The following SLC27A1 variants were observed in gnomAD, a reference collection of about 807,000 sequenced individuals.
The protein encoded by SLC27A1 is long-chain fatty acid transport protein 1.
SLC27A1 carries 61 observed loss-of-function variants against 62.2 expected under a neutral mutation model. The ratio of observed to expected loss-of-function variants is 0.98; its 90% CI spans 0.80 to 1.21. The LOEUF (loss-of-function observed/expected upper bound fraction) is 1.21. Ranked by LOEUF, SLC27A1 falls within the 50% of genes most tolerant of loss-of-function variation. SLC27A1 has a pLI of 0.00. For missense variants in SLC27A1, 903 were observed against 932.1 expected (o/e 0.97, Z 0.41); for synonymous variants, 435 against 408.6 (o/e 1.06, Z -0.78).
intron 1 of SLC27A1, among the ~76,000 whole-genome samples, chr19:17,473,924 T>G (rs1450948013): frequency 1.3e-5 from 2 of 152,130 alleles, no homozygotes; most frequent in East Asian, 3.9e-4. Context: ...TTAGTTGTTT[T>G]CTTTCTTTGC....
chr19:17,473,387 G>C (rs2075094825), intron 1 of SLC27A1, among the ~76,000 whole-genome samples: 1 of 152,194 alleles, frequency 6.6e-6, no homozygotes, highest in African/African-American at 2.4e-5. Flanking sequence ...GTGTGTGTAT[G>C]TTAAGGAAAG....
chr19:17,476,153 G>C (rs939315441), intron 1 of SLC27A1, among the ~76,000 whole-genome samples: 1 of 152,108 alleles, frequency 6.6e-6, no homozygotes, highest in Non-Finnish European at 1.5e-5. Context: ...TCTCCCCATG[G>C]ATGTAACATT....
intron 2 of SLC27A1, 58 bp downstream of exon 2, chr19:17,487,015 C>G: frequency 2.0e-6 from 3 of 1,520,990 alleles, no homozygotes; most frequent in South Asian, 1.2e-5. Flanking sequence ...CCTGGGCGGG[C>G]GGGGAGATGC....
At chr19:17,482,105 C>T (rs2075184133) in intron 1 of SLC27A1, among the ~76,000 whole-genome samples, 1 of 152,202 alleles carries the variant, frequency 6.6e-6, no homozygotes, top group Non-Finnish European at 1.5e-5. Context: ...TGGGCGGTCT[C>T]CTCCCCTGCT....
chr19:17,487,571 GAC>G (rs1568416437), intron 4 of SLC27A1, 42 bp downstream of exon 4: 1 of 1,590,798 alleles, frequency 6.3e-7, no homozygotes, highest in Non-Finnish European at 8.6e-7. Flanking sequence ...CGCTGAGAGT[GAC>G]CCAGGCTATC....
In SLC27A1 at chr19:17,486,563, C is replaced by A. The variant is rs1354938323; in HGVS notation, c.168C>A (p.Phe56Leu). 6.3e-7 allele frequency: 1 copy of A among 1,576,840 alleles called. No homozygotes were observed. The highest frequency in any genetic ancestry group is 2.3e-5 in the East Asian group (1 of 43,410). Residue 56 changes from phenylalanine to leucine, a missense_variant and splice_region_variant, in exon 2 of 12, where the codon TTC (phenylalanine) becomes TTA (leucine). By Grantham distance (22) the Phe-to-Leu change is conservative. Transcript: ENST00000252595. This position sits in a 1 kb window ranked among gnomAD's most constrained non-coding sequence, Gnocchi z 6.6. ...IVCKTARRDL[F>L]GLSVLIRVRL... is the part of the protein sequence containing the mutation. The stretch of plus-strand genomic sequence containing the variant: ...CTGTCCCCTCCGTCCTCCCTCCCAG[C>A]GGTCTCTCTGTGCTGATCCGCGTGC...
At chr19:17,474,423 C>T (rs571105722) in intron 1 of SLC27A1, among the ~76,000 whole-genome samples, 6 of 152,244 alleles carry the variant, frequency 3.9e-5, no homozygotes, top group African/African-American at 1.4e-4. Context: ...CTTGGGTTCA[C>T]CCAGGCCCAT....
Position 17,487,275 on chromosome 19 carries a change from C to T in SLC27A1, c.664C>T (p.Pro222Ser), listed in dbSNP as rs1316286767. Residue 222 changes from proline to serine, a missense_variant, in exon 3 of 12, where the codon CCG becomes TCG. Coordinates refer to ENST00000252595, the MANE Select transcript of SLC27A1 (RefSeq NM_198580.3). ...GILPDTHLLD[P>S]LLKEASTAPL... ...CTTGCCGGACACCCACCTCCTGGAC[C>T]CGCTGCTGAAGGAGGCCTCTACTGC... is the stretch of plus-strand genomic sequence containing the variant. 10 of 1,613,766 alleles carry T rather than the reference C, an allele frequency of 6.2e-6. No individual in the cohort carries two copies. The highest frequency in any genetic ancestry group is 8.5e-6 in the Non-Finnish European group (10 of 1,179,932).
intron 7 of SLC27A1, chr19:17,499,127 G>A (rs576491196): frequency 2.5e-5 from 5 of 202,884 alleles, no homozygotes; most frequent in Non-Finnish European, 5.0e-5. Flanking sequence ...GGGAAAGGGA[G>A]ACTCCCTTTC....
At position 17,473,271 on chromosome 19, in the gene SLC27A1, G is replaced by A. The variant is rs895378413; in HGVS notation, c.167+2564G>A. Among the ~76,000 whole-genome samples, 9 of 152,302 alleles carry A rather than the reference G, an allele frequency of 5.9e-5. 1 individual carries two copies. The South Asian group carries it at 1.5e-3, about 25-fold the overall frequency. ...CTTGACTTTCAGACAGCCAGATGGT[G>A]CAGTTGGAGTTGCAAACTCATGTGA... is the stretch of plus-strand genomic sequence containing the variant. On this transcript the variant is annotated intron_variant, in intron 1 of 11. Transcript: ENST00000252595.
rs1463049653 is a variant in SLC27A1, at chr19:17,497,286, A to G, written c.1028A>G (p.Tyr343Cys). ...VVQYIGEICRYLLKQPVREAE... is the reference protein window; with the variant it reads ...VVQYIGEICRCLLKQPVREAE... ...CAGTACATCGGGGAGATCTGCCGCT[A>G]CCTGCTGAAGCAGCCGGTGCGCGAG... Residue 343 changes from tyrosine (Y) to cysteine (C), a missense_variant, in exon 7 of 12, where the codon TAC (tyrosine) becomes TGC (cysteine). Transcript: ENST00000252595. 2 of 1,605,602 alleles carry G rather than the reference A, an allele frequency of 1.2e-6. No homozygotes were observed. The highest frequency in any genetic ancestry group is 1.7e-6 in the Non-Finnish European group (2 of 1,177,488).
At chr19:17,489,139 T>A (rs767276326) in intron 6 of SLC27A1, 22 bp downstream of exon 6, 6 of 1,598,210 alleles carry the variant, frequency 3.8e-6, no homozygotes, top group East Asian at 2.2e-5. Context: ...CCCTGTTCTG[T>A]CTAGACCCCG....
chr19:17,482,366 A>C (rs1336913069), intron 1 of SLC27A1, among the ~76,000 whole-genome samples: 1 of 152,140 alleles, frequency 6.6e-6, no homozygotes, highest in Non-Finnish European at 1.5e-5. Context: ...TAAAAATACA[A>C]AAATGGCCAG....
chr19:17,497,291 C>T lies in SLC27A1; in HGVS notation c.1033C>T (p.Leu345=). The change falls in exon 7 of 12, where the codon CTG becomes TTG. Residue 345 remains leucine (L), a synonymous_variant. Transcript: ENST00000252595. ...CATCGGGGAGATCTGCCGCTACCTGCTGAAGCAGCCGGTGCGCGAGGCGGA... is the reference window on the plus strand; with the variant it reads ...CATCGGGGAGATCTGCCGCTACCTGTTGAAGCAGCCGGTGCGCGAGGCGGA... The part of the protein sequence containing the change: ...QYIGEICRYL[L]KQPVREAERR... 3 of 1,606,688 alleles carry T rather than the reference C, an allele frequency of 1.9e-6. No individual in the cohort carries two copies. Among genetic ancestry groups the T allele is most frequent in the Non-Finnish European group, 2.5e-6 (3 of 1,177,776 alleles).
Position 17,504,577 on chromosome 19 carries a change from T to G in SLC27A1, c.1906T>G (p.Tyr636Asp). 6.2e-7 allele frequency: 1 copy of G among 1,614,208 alleles called. No individual in the cohort carries two copies. The highest frequency in any genetic ancestry group is 8.5e-7 in the Non-Finnish European group (1 of 1,180,044). The stretch of plus-strand genomic sequence containing the variant: ...CTACCTGCCCTTAAATGAGGCAGTC[T>G]ACACTCGCATCTGCTCGGGCGCCTT... ...GHYLPLNEAVYTRICSGAFAL is the reference protein window; with the variant it reads ...GHYLPLNEAVDTRICSGAFAL The change falls in exon 12 of 12, where the codon TAC becomes GAC. Residue 636 changes from tyrosine (Y) to aspartate (D), a missense_variant. Coordinates refer to ENST00000252595, the MANE Select transcript of SLC27A1 (RefSeq NM_198580.3).
chr19:17,481,456 A>G (rs2075177798), intron 1 of SLC27A1, among the ~76,000 whole-genome samples: 1 of 151,430 alleles, frequency 6.6e-6, no homozygotes, highest in Non-Finnish European at 1.5e-5. Context: ...AGCTGGGATT[A>G]CAGGCTCATG....
chr19:17,487,050 C>T, intron 2 of SLC27A1, 93 bp downstream of exon 2: 4 of 1,550,202 alleles, frequency 2.6e-6, no homozygotes, highest in South Asian at 2.4e-5. Context: ...CGGAAGGCGG[C>T]CGCCCTGGAC....
chr19:17,493,375 C>T (rs186015842), intron 6 of SLC27A1, among the ~76,000 whole-genome samples: 60 of 140,540 alleles, frequency 4.3e-4, no homozygotes, highest in African/African-American at 1.6e-3. Context: ...TTGCAGTGAG[C>T]CGAGATCGCG....
In SLC27A1 at chr19:17,497,473, C is replaced by T; in HGVS notation, c.1206+9C>T. The stretch of plus-strand genomic sequence containing the variant: ...CCAACATGGACGGCAAGGTGCACAC[C>T]GGCAGGGCCCCGGGGCAGGTCTCGG... On this transcript the variant is annotated intron_variant, in intron 7 of 11. Transcript: ENST00000252595. 1 of 1,600,770 alleles carries T rather than the reference C, an allele frequency of 6.2e-7. No individual in the cohort carries two copies. The highest frequency in any genetic ancestry group is 1.3e-5 in the African/African-American group (1 of 74,736).
Sources: gnomAD v4.1 joint callset for allele counts (sites outside exome capture counted in the v4.1 genomes callset) on GRCh38, gnomAD v4.1.1 for gene constraint, Gnocchi (gnomAD v3.1) non-coding constraint, MANE v1.5 for transcripts, NCBI Gene and HGNC (gene_info 2026-07-23, HGNC 2026-07-21) for gene names.